LINGO2: variants seen among roughly 807,000 people sequenced by gnomAD.
LINGO2 encodes leucine-rich repeat and immunoglobulin-like domain-containing nogo receptor-interacting protein 2.
Under a neutral mutation model 30.6 loss-of-function variants are expected in LINGO2, and 14 were observed. The observed-to-expected ratio is 0.46, with a 90% CI of 0.30 to 0.72. The LOEUF (loss-of-function observed/expected upper bound fraction) is 0.72. Among genes scored for constraint, LINGO2 ranks in the 30% least tolerant of loss-of-function variants. LINGO2 has a pLI of 0.07. For synonymous variants in LINGO2, 317 were observed against 288.5 expected, an observed-to-expected ratio of 1.10 and a Z score of -1.00; for missense variants, 729 against 751.7, an observed-to-expected ratio of 0.97 and a Z score of 0.35.
At chr9:28,892,840 G>T in the LINGO2 span, among the ~76,000 whole-genome samples, 5 of 151,960 alleles carry the variant, frequency 3.3e-5, no homozygotes, top group African/African-American at 9.7e-5. Flanking sequence ...GTGCTACAAT[G>T]ACGAAAATGT....
chr9:29,212,380 G>A, the LINGO2 span, among the ~76,000 whole-genome samples: 1 of 151,860 alleles, frequency 6.6e-6, no homozygotes, highest in Non-Finnish European at 1.5e-5. Flanking sequence ...GAAGGGAACA[G>A]CAGGCGACCT....
the LINGO2 span, among the ~76,000 whole-genome samples, chr9:28,778,479 T>C: frequency 1.8e-4 from 28 of 152,272 alleles, 1 homozygote; most frequent in East Asian, 3.1e-3. Flanking sequence ...ATCAACACTA[T>C]ACAGCTATTT....
chr9:29,108,686 C>A, the LINGO2 span, among the ~76,000 whole-genome samples: 14 of 152,180 alleles, frequency 9.2e-5, no homozygotes, highest in South Asian at 1.5e-3. Flanking sequence ...TGCATAGATG[C>A]AAAGGGAAAC....
chr9:28,125,305 T>C (rs979680321), intron 4 of LINGO2, among the ~76,000 whole-genome samples: 1 of 152,262 alleles, frequency 6.6e-6, no homozygotes, highest in African/African-American at 2.4e-5. Flanking sequence ...TAGTTTCTTC[T>C]GTAATTAAAG....
chr9:27,996,603 A>C (rs1181666424), intron 5 of LINGO2, among the ~76,000 whole-genome samples: 1 of 152,158 alleles, frequency 6.6e-6, no homozygotes, highest in Non-Finnish European at 1.5e-5. Flanking sequence ...AGTGACAGGG[A>C]AAGGTAGTGG....
chr9:29,031,343 C>T, the LINGO2 span, among the ~76,000 whole-genome samples: 11 of 151,926 alleles, frequency 7.2e-5, no homozygotes, highest in African/African-American at 2.4e-4. Context: ...AGTGCAGTGG[C>T]GCCATCTCGG....
At chr9:27,990,720 G>A (rs1821358057) in intron 5 of LINGO2, among the ~76,000 whole-genome samples, 1 of 152,030 alleles carries the variant, frequency 6.6e-6, no homozygotes, top group African/African-American at 2.4e-5. Context: ...GAGTCAGAAT[G>A]AAAACCCAGG....
Position 28,102,043 on chromosome 9 carries a change from C to A in LINGO2, c.-86-89638G>T, listed in dbSNP as rs571785382. On this transcript the variant is annotated intron_variant, in intron 4 of 5. Coordinates refer to ENST00000379992, the Ensembl canonical transcript of LINGO2. ...AGCTTTGCCTCCAACTCACCTTGAT[C>A]CCTCCCACTGAGCATTTTGAATGCT... Among the ~76,000 whole-genome samples, 113 of 152,192 alleles carry A rather than the reference C, an allele frequency of 7.4e-4. 1 individual carries two copies. The highest frequency in any genetic ancestry group is 3.4e-3 in the Middle Eastern group (1 of 294).
At chr9:29,029,304 T>A in the LINGO2 span, among the ~76,000 whole-genome samples, 1 of 152,312 alleles carries the variant, frequency 6.6e-6, no homozygotes, top group East Asian at 1.9e-4. Context: ...TTATAACCTC[T>A]AATATTGTAG....
chr9:28,922,638 T>C, the LINGO2 span, among the ~76,000 whole-genome samples: 1 of 152,108 alleles, frequency 6.6e-6, no homozygotes, highest in Admixed American at 6.6e-5. Context: ...AATAAATAAG[T>C]GAATGAATGA....
the LINGO2 span, among the ~76,000 whole-genome samples, chr9:29,121,642 A>C: frequency 3.3e-5 from 5 of 152,084 alleles, no homozygotes; most frequent in Non-Finnish European, 7.4e-5. Context: ...ATTTACCAGA[A>C]ATTAAGATCA....
At chr9:29,065,023 T>G in the LINGO2 span, among the ~76,000 whole-genome samples, 3 of 152,114 alleles carry the variant, frequency 2.0e-5, no homozygotes, top group Non-Finnish European at 4.4e-5. Flanking sequence ...CACAGGTATG[T>G]GAGGTGCATG....
intron 1 of LINGO2, among the ~76,000 whole-genome samples, chr9:28,577,061 T>C (rs1280632464): frequency 6.6e-6 from 1 of 152,168 alleles, no homozygotes; most frequent in Non-Finnish European, 1.5e-5. Context: ...AAGCTAACTT[T>C]GGGAGAATTT....
chr9:29,209,791 G>A, the LINGO2 span, among the ~76,000 whole-genome samples: 1 of 152,106 alleles, frequency 6.6e-6, no homozygotes, highest in Non-Finnish European at 1.5e-5. Flanking sequence ...TATAAATACA[G>A]TACTCAGAGG....
At chr9:27,950,663 G>A (rs1250121345) in exon 6 of LINGO2, 10 of 1,507,100 alleles carry the variant, frequency 6.6e-6, no homozygotes, top group South Asian at 5.5e-5. Context: ...ATATGGCCGT[G>A]TGAAGCATGA....
intron 4 of LINGO2, among the ~76,000 whole-genome samples, chr9:28,256,107 C>G (rs10757723): frequency 0.41 from 61,597 of 151,860 alleles, 14,858 homozygotes; most frequent in Non-Finnish European, 0.56. Flanking sequence ...TATAGACCAA[C>G]GATTTGGAGA....
chr9:28,241,211 G>A (rs952204207), intron 4 of LINGO2, among the ~76,000 whole-genome samples: 6 of 142,950 alleles, frequency 4.2e-5, no homozygotes, highest in Admixed American at 1.5e-4. Context: ...GGAAACTGCA[G>A]TGAGCTGAGA....
intron 1 of LINGO2, among the ~76,000 whole-genome samples, chr9:28,537,198 A>G (rs1821470667): frequency 6.6e-6 from 1 of 152,106 alleles, no homozygotes; most frequent in Non-Finnish European, 1.5e-5. Context: ...GAAGGAACCA[A>G]CTTGACCAAC....
intron 4 of LINGO2, among the ~76,000 whole-genome samples, chr9:28,218,625 A>G (rs1292727598): frequency 6.6e-6 from 1 of 152,154 alleles, no homozygotes; most frequent in African/African-American, 2.4e-5. Flanking sequence ...AGTGGAGAAC[A>G]TGAGACCCTG....
Sources: gnomAD v4.1 joint callset for allele counts (sites outside exome capture counted in the v4.1 genomes callset) on GRCh38, gnomAD v4.1.1 for gene constraint, MANE v1.5 for transcripts, NCBI Gene and HGNC (gene_info 2026-07-23, HGNC 2026-07-21) for gene names.